WDR62: variants seen among roughly 807,000 people sequenced by gnomAD.
The protein encoded by WDR62 is WD repeat-containing protein 62.
WDR62 carries 112 observed loss-of-function variants against 160.6 expected under a neutral mutation model. That is an observed-to-expected ratio of 0.70 (90% CI 0.60 to 0.82). WDR62 has a LOEUF of 0.82. WDR62 is among the 40% of genes least tolerant of loss of function. The pLI is 0.00. For missense variants in WDR62, 1,819 were observed against 1,983.8 expected, an observed-to-expected ratio of 0.92 and a Z score of 1.58; for synonymous variants, 792 against 815.1, an observed-to-expected ratio of 0.97 and a Z score of 0.48.
In WDR62 at chr19:36,102,275, T is replaced by G. The variant is rs535988151; in HGVS notation, c.3220+124T>G. 1.8e-5 allele frequency: 25 copies of G among 1,420,186 alleles called. No individual in the cohort carries two copies. In the African/African-American group the frequency reaches 3.2e-4, roughly 18 times the overall value. 88.0% of individuals were successfully genotyped at this position (1,420,186 alleles called of 1,614,324 possible). A position where few individuals can be genotyped will look rare whatever the true frequency, so the allele number is the denominator to read the frequency against. ...TGAGTGGAGAGCAACTGCTTCGTTTTTTTTGAGACGGAGTCTCGCTCTGTT... is the reference window on the plus strand; with the variant it reads ...TGAGTGGAGAGCAACTGCTTCGTTTGTTTTGAGACGGAGTCTCGCTCTGTT... On this transcript the variant is annotated intron_variant, in intron 26 of 31. Transcript: ENST00000401500.
At chr19:36,097,169 T>C (rs989701806) in intron 21 of WDR62, 90 bp downstream of exon 21, 2 of 1,247,754 alleles carry the variant, frequency 1.6e-6, no homozygotes, top group Non-Finnish European at 2.3e-6. Context: ...CCTTTCCATG[T>C]CCCTCTTTTC....
intron 15 of WDR62, 130 bp downstream of exon 15, chr19:36,089,436 T>G: frequency 6.7e-7 from 1 of 1,503,390 alleles, no homozygotes; most frequent in Non-Finnish European, 9.2e-7. Context: ...TGTTCCTTCT[T>G]GGTTTTTTTT....
In WDR62 at chr19:36,101,880, A is replaced by G. The variant is rs1366226353; in HGVS notation, c.3082+106A>G. 2.0e-6 allele frequency: 3 copies of G among 1,533,156 alleles called. No homozygotes were observed. The African/African-American group carries it at 4.1e-5, about 21-fold the overall frequency. The allele number at this position is 1,533,156 out of a possible 1,614,324, so 95.0% of individuals were successfully genotyped here. ...GCACTTGGAGCCCACTGAGCCTGGA[A>G]GACGGGGATCCCTGCTTCTCAGCCT... On this transcript the variant is annotated intron_variant, in intron 25 of 31. Transcript: ENST00000401500.
chr19:36,062,794 C>A (rs1367563995), intron 3 of WDR62: 1 of 151,984 alleles, frequency 6.6e-6, no homozygotes, highest in East Asian at 1.9e-4. Flanking sequence ...CTCATCCACT[C>A]CCCAGAGGGC....
intron 19 of WDR62, 95 bp from the exon 20 acceptor site, chr19:36,093,936 C>T (rs1286135592): frequency 6.7e-7 from 1 of 1,495,480 alleles, no homozygotes; most frequent in Non-Finnish European, 9.3e-7. Context: ...AATATGTTCA[C>T]ATGGAGCTTA....
Position 36,083,203 on chromosome 19 carries a change from C to G in WDR62, c.1512C>G (p.Gly504=), listed in dbSNP as rs1294953685. 1.1e-5 allele frequency: 17 copies of G among 1,609,618 alleles called. No homozygotes were observed. Among genetic ancestry groups the G allele is most frequent in the Non-Finnish European group, 1.4e-5 (17 of 1,177,792 alleles). Residue 504 remains glycine (G), a synonymous_variant, in exon 11 of 32, where the codon GGC becomes GGG. Transcript: ENST00000401500. ...GVRVMQVSPD[G]QHLASGDRSG... ...GGGTCATGCAGGTCAGTCCTGACGG[C>G]CAGCATTTGGCTTCAGGCGACCGAA... is the stretch of plus-strand genomic sequence containing the variant.
intron 12 of WDR62, among the ~76,000 whole-genome samples, chr19:36,086,075 T>A (rs950403770): frequency 1.3e-5 from 2 of 151,982 alleles, no homozygotes; most frequent in African/African-American, 2.4e-5. Context: ...TATCCTGATG[T>A]GATTTTCCCC....
At chr19:36,093,342 C>A (rs1972754811) in intron 19 of WDR62, among the ~76,000 whole-genome samples, 1 of 152,354 alleles carries the variant, frequency 6.6e-6, no homozygotes, top group Non-Finnish European at 1.5e-5. Context: ...GCTTCACTTA[C>A]TTCTTTGAAT....
Position 36,101,976 on chromosome 19 carries a change from T to C in WDR62, c.3083-38T>C, listed in dbSNP as rs201791447. ...AGGTGGCGTCTGCTGTGACTCATGG[T>C]GTTGGCTCCTCTTGTCCCTCCCCTC... On this transcript the variant is annotated intron_variant, in intron 25 of 31. Coordinates refer to ENST00000401500, the MANE Select transcript of WDR62 (RefSeq NM_001083961.2). 125 of 1,613,614 alleles carry C rather than the reference T, an allele frequency of 7.7e-5. 1 individual carries two copies. Among genetic ancestry groups the C allele is most frequent in the Non-Finnish European group, 1.4e-5 (17 of 1,180,008 alleles).
intron 21 of WDR62, 68 bp downstream of exon 21, chr19:36,097,147 G>T (rs996525859): frequency 1.1e-5 from 16 of 1,514,508 alleles, no homozygotes; most frequent in Non-Finnish European, 1.3e-5. Flanking sequence ...CTGCCTTCTG[G>T]AAGCCCTTTT....
intron 12 of WDR62, 26 bp from the exon 13 acceptor site, chr19:36,086,661 A>G (rs1321073378): frequency 6.3e-7 from 1 of 1,588,532 alleles, no homozygotes; most frequent in East Asian, 2.3e-5. Flanking sequence ...GCCTTCAGGA[A>G]CCAGTCTCAT....
chr19:36,091,108 T>A, intron 16 of WDR62, 92 bp from the exon 17 acceptor site: 1 of 1,091,864 alleles, frequency 9.2e-7, no homozygotes, highest in Non-Finnish European at 1.4e-6. Context: ...TCCCATGTGC[T>A]GTGCATGCAG....
intron 7 of WDR62, among the ~76,000 whole-genome samples, chr19:36,069,869 G>A (rs1363210687): frequency 5.3e-5 from 8 of 152,110 alleles, no homozygotes; most frequent in African/African-American, 1.7e-4. Context: ...GTGGCGGCGC[G>A]CGCCTGCAAT....
Position 36,102,943 on chromosome 19 carries a change from C to A in WDR62, c.3336-5C>A, listed in dbSNP as rs587784555. On this transcript the variant is annotated splice_region_variant and splice_polypyrimidine_tract_variant and intron_variant, in intron 27 of 31. Coordinates refer to ENST00000401500, the MANE Select transcript of WDR62 (RefSeq NM_001083961.2). ...GAATCATCCCCCCTGCTCTCCTCCCCACAGGTTCACCCATACCTTCCCTCC... is the reference window on the plus strand; with the variant it reads ...GAATCATCCCCCCTGCTCTCCTCCCAACAGGTTCACCCATACCTTCCCTCC... 1.2e-6 allele frequency: 2 copies of A among 1,614,172 alleles called. No homozygotes were observed. Among genetic ancestry groups the A allele is most frequent in the Non-Finnish European group, 1.7e-6 (2 of 1,180,042 alleles).
intron 12 of WDR62, among the ~76,000 whole-genome samples, chr19:36,085,944 A>G (rs1341490256): frequency 6.6e-6 from 1 of 152,000 alleles, no homozygotes. Context: ...TGGCCTCCCA[A>G]AATGCTGGGA....
chr19:36,081,336 T>C (rs1350986319), intron 9 of WDR62, 97 bp from the exon 10 acceptor site: 3 of 1,469,416 alleles, frequency 2.0e-6, no homozygotes, highest in Non-Finnish European at 2.9e-6. Flanking sequence ...GATACCTGTT[T>C]ATCTTTAACT....
At chr19:36,096,534 T>C (rs1015533432) in intron 20 of WDR62, among the ~76,000 whole-genome samples, 14 of 151,080 alleles carry the variant, frequency 9.3e-5, no homozygotes. Context: ...TGAAACCCCG[T>C]CTCTACTAAA....
rs756583202 is a variant in WDR62 at position 36,089,146 on chromosome 19, T to C, written c.1837-39T>C. 6 of 1,612,924 alleles carry C rather than the reference T, an allele frequency of 3.7e-6. No individual in the cohort carries two copies. In the East Asian group the frequency reaches 1.3e-4, roughly 36 times the overall value. On this transcript the variant is annotated intron_variant, in intron 14 of 31. Coordinates refer to ENST00000401500, the MANE Select transcript of WDR62 (RefSeq NM_001083961.2). Reference sequence around the variant, plus strand: ...CTCCTTGGGGGCTGGGGTGGGGGGTTGTCGGGGCATTCTCTGAAGGTCCTG... The same window carrying C: ...CTCCTTGGGGGCTGGGGTGGGGGGTCGTCGGGGCATTCTCTGAAGGTCCTG...
intron 7 of WDR62, among the ~76,000 whole-genome samples, chr19:36,069,991 AGAGAGGGAGAGGGAGACCGTGGG>A (rs528577321): frequency 0.14 from 20,989 of 145,872 alleles, 1,800 homozygotes; most frequent in Middle Eastern, 0.25. Context: ...GACCGTGGAA[AGAGAGGGAGAGGGAGACCGTGGG>A]GAGAGGGAGA....
Sources: gnomAD v4.1 joint callset for allele counts (sites outside exome capture counted in the v4.1 genomes callset) on GRCh38, gnomAD v4.1.1 for gene constraint, MANE v1.5 for transcripts, NCBI Gene and HGNC (gene_info 2026-07-23, HGNC 2026-07-21) for gene names.